Variants in GCH1 observed in about 807,000 individuals in gnomAD.
GCH1 encodes GTP cyclohydrolase 1.
A neutral mutation model predicts 25.9 loss-of-function variants in GCH1; 5 were observed. The ratio of observed to expected loss-of-function variants is 0.19; its 90% CI spans 0.10 to 0.41. GCH1 has a LOEUF of 0.41. Among genes scored for constraint, GCH1 ranks in the 10% least tolerant of loss-of-function variants. The pLI, the probability that GCH1 is intolerant of heterozygous loss-of-function variation, is 1.00. For synonymous variants in GCH1, 159 were observed against 129.6 expected, an observed-to-expected ratio of 1.23 and a Z score of -1.54; for missense variants, 261 against 336.5, an observed-to-expected ratio of 0.78 and a Z score of 1.75.
At chr14:54,861,043 AAT>A (rs2039889193) in intron 2 of GCH1, among the ~76,000 whole-genome samples, 1 of 152,250 alleles carries the variant, frequency 6.6e-6, no homozygotes, top group South Asian at 2.1e-4. Flanking sequence ...TGAAAAGATT[AAT>A]AGAGTAAATG....
intron 1 of GCH1, among the ~76,000 whole-genome samples, chr14:54,870,890 C>T (rs1356900246): frequency 6.6e-6 from 1 of 152,220 alleles, no homozygotes; most frequent in Non-Finnish European, 1.5e-5. Context: ...CTCAAGGAGC[C>T]CTGCCTGCCT....
intron 1 of GCH1, among the ~76,000 whole-genome samples, chr14:54,871,195 T>A (rs1260455833): frequency 6.6e-6 from 1 of 152,132 alleles, no homozygotes; most frequent in African/African-American, 2.4e-5. Context: ...TTCACCAATA[T>A]CCACTGTTCT....
intron 1 of GCH1, among the ~76,000 whole-genome samples, chr14:54,878,392 TAAGAG>T (rs982627539): frequency 6.6e-6 from 1 of 152,202 alleles, no homozygotes; most frequent in African/African-American, 2.4e-5. Flanking sequence ...GTTTTAAAAT[TAAGAG>T]AAGAGACAGA....
At chr14:54,851,672 G>C (rs896295244) in intron 3 of GCH1, among the ~76,000 whole-genome samples, 2 of 152,082 alleles carry the variant, frequency 1.3e-5, no homozygotes, top group Non-Finnish European at 2.9e-5. Context: ...ACCACAATGA[G>C]ATACCATCTC....
intron 3 of GCH1, among the ~76,000 whole-genome samples, chr14:54,851,418 C>T (rs2140050738): frequency 6.6e-6 from 1 of 152,290 alleles, no homozygotes; most frequent in African/African-American, 2.4e-5. Context: ...AAGAAACTAC[C>T]ATCACAGTGA....
chr14:54,847,851 C>T (rs1472875078), intron 3 of GCH1, among the ~76,000 whole-genome samples: 1 of 152,040 alleles, frequency 6.6e-6, no homozygotes, highest in Admixed American at 6.6e-5. Context: ...AGTTCCAAAT[C>T]ATCAATTTTA....
At chr14:54,848,490 C>T (rs1487828567) in intron 3 of GCH1, among the ~76,000 whole-genome samples, 4 of 152,154 alleles carry the variant, frequency 2.6e-5, no homozygotes, top group African/African-American at 7.2e-5. Context: ...AAGATGACCA[C>T]GTGACTTATC....
intron 3 of GCH1, chr14:54,859,308 G>A (rs2039860416): frequency 3.5e-6 from 1 of 282,232 alleles, no homozygotes; most frequent in African/African-American, 2.2e-5. Flanking sequence ...GAGCACTGCA[G>A]CTAGACCCCT....
chr14:54,853,144 A>G (rs1225452082), intron 3 of GCH1, among the ~76,000 whole-genome samples: 1 of 151,996 alleles, frequency 6.6e-6, no homozygotes, highest in Non-Finnish European at 1.5e-5. Flanking sequence ...TTGTATTTTT[A>G]GTAGAGATGG....
chr14:54,854,436 G>A (rs1378582946), intron 3 of GCH1, among the ~76,000 whole-genome samples: 3 of 152,096 alleles, frequency 2.0e-5, no homozygotes, highest in Non-Finnish European at 4.4e-5. Context: ...CGCAGCAGTG[G>A]ATGGGTTCTG....
intron 3 of GCH1, among the ~76,000 whole-genome samples, chr14:54,858,378 C>A (rs944498664): frequency 1.3e-5 from 2 of 152,088 alleles, no homozygotes; most frequent in African/African-American, 4.8e-5. Context: ...CTCTGCCTCC[C>A]GGGTTCAAGT....
At chr14:54,886,480 T>A in intron 1 of GCH1, among the ~76,000 whole-genome samples, 1 of 152,034 alleles carries the variant, frequency 6.6e-6, no homozygotes, top group African/African-American at 2.4e-5. Flanking sequence ...GGCGCGGTGG[T>A]GGGTGCCTGT....
chr14:54,876,777 T>C (rs2040168153), intron 1 of GCH1, among the ~76,000 whole-genome samples: 1 of 152,152 alleles, frequency 6.6e-6, no homozygotes, highest in Non-Finnish European at 1.5e-5. Flanking sequence ...TATGAATGTA[T>C]ATGCTTATCT....
At chr14:54,877,374 T>C (rs1044193277) in intron 1 of GCH1, among the ~76,000 whole-genome samples, 10 of 152,238 alleles carry the variant, frequency 6.6e-5, no homozygotes, top group Non-Finnish European at 7.3e-5. Flanking sequence ...ACCTTTCTCA[T>C]GTCATTCATA....
In GCH1 at chr14:54,897,480, G is replaced by A. The variant is rs983333946; in HGVS notation, c.343+4841C>T. The stretch of plus-strand genomic sequence containing the variant: ...ATTTTTGTATTTTTAGTAGAGAAGG[G>A]GTTTCTCCATGTTAGTCAGGTTGGT... On this transcript the variant is annotated intron_variant, in intron 1 of 5. Transcript: ENST00000491895. Among the ~76,000 whole-genome samples the A allele has an allele frequency of 2.6e-5, 4 of 151,394 alleles. No individual in the cohort carries two copies. The East Asian group carries it at 7.8e-4, about 29-fold the overall frequency.
At chr14:54,859,580 T>G in intron 3 of GCH1, 101 bp downstream of exon 3, 1 of 787,842 alleles carries the variant, frequency 1.3e-6, no homozygotes, top group African/African-American at 1.7e-5. Flanking sequence ...CCAAGTTAGA[T>G]CCATACAGGT....
intron 5 of GCH1, 47 bp from the exon 6 acceptor site, chr14:54,844,190 T>C: frequency 7.3e-7 from 1 of 1,366,672 alleles, no homozygotes; most frequent in South Asian, 1.2e-5. Flanking sequence ...AGACAGCTGC[T>C]GGTTTGGTTT....
intron 2 of GCH1, among the ~76,000 whole-genome samples, chr14:54,861,251 G>A (rs1401122619): frequency 6.6e-6 from 1 of 152,128 alleles, no homozygotes; most frequent in African/African-American, 2.4e-5. Context: ...TGGTTGGCAG[G>A]AGGAAAAAGT....
At chr14:54,853,796 T>C (rs2039769714) in intron 3 of GCH1, among the ~76,000 whole-genome samples, 1 of 152,180 alleles carries the variant, frequency 6.6e-6, no homozygotes, top group South Asian at 2.1e-4. Flanking sequence ...GGCAGCTTCA[T>C]CAAATTAATT....
Sources: allele counts gnomAD v4.1 joint callset (sites outside exome capture counted in the v4.1 genomes callset), GRCh38; gene constraint gnomAD v4.1.1; transcripts MANE v1.5; gene names NCBI Gene and HGNC (gene_info 2026-07-23, HGNC 2026-07-21).